The following TIMP2 variants were observed in gnomAD, a reference collection of about 807,000 sequenced individuals.
TIMP2 encodes the protein TIMP metallopeptidase inhibitor 2.
Under a neutral mutation model 24.3 loss-of-function variants are expected in TIMP2, and 5 were observed. That is an observed-to-expected ratio of 0.21 (90% CI 0.11 to 0.43). TIMP2 has a LOEUF of 0.43. Ranked by LOEUF, TIMP2 falls within the 20% of genes least tolerant of loss-of-function variation. The pLI is 1.00. For missense variants in TIMP2, 221 were observed against 297.5 expected (o/e 0.74, Z 1.89); for synonymous variants, 130 against 123.2 (o/e 1.06, Z -0.37).
In TIMP2 at chr17:78,891,330, C is replaced by G. The variant is rs1255316724; in HGVS notation, c.131-17411G>C. ...ATCTCTGGGTCTGCCATTTTCTTCCCTCTTGGGGTCCCAGCGCCACACTCT... is the reference window on the plus strand; with the variant it reads ...ATCTCTGGGTCTGCCATTTTCTTCCGTCTTGGGGTCCCAGCGCCACACTCT... On this transcript the variant is annotated intron_variant, in intron 1 of 4. Coordinates refer to ENST00000262768, the MANE Select transcript of TIMP2 (RefSeq NM_003255.5). This position sits in a 1 kb window ranked among gnomAD's most constrained non-coding sequence, Gnocchi z 4.5. The G allele has an allele frequency of 1.3e-6, 2 of 1,550,324 alleles. No individual in the cohort carries two copies. The highest frequency in any genetic ancestry group is 3.9e-5 in the Admixed American group (2 of 50,986).
chr17:78,914,762 T>C (rs1267029957), intron 1 of TIMP2, among the ~76,000 whole-genome samples: 5 of 152,016 alleles, frequency 3.3e-5, no homozygotes, highest in African/African-American at 4.8e-5. Context: ...TTTTAATTTA[T>C]TTTATGTAGA....
intron 1 of TIMP2, among the ~76,000 whole-genome samples, chr17:78,923,749 A>G (rs1474254785): frequency 6.6e-6 from 1 of 152,090 alleles, no homozygotes; most frequent in East Asian, 1.9e-4. Context: ...TGTGATCTCA[A>G]TAGATTGGTG....
At chr17:78,902,025 C>T (rs939372904) in intron 1 of TIMP2, 26 of 549,832 alleles carry the variant, frequency 4.7e-5, no homozygotes, top group Middle Eastern at 4.7e-4. Flanking sequence ...CTCCATGACA[C>T]GCTGTGTGCT....
chr17:78,873,761 C>T, intron 2 of TIMP2, 58 bp downstream of exon 2: 1 of 1,483,624 alleles, frequency 6.7e-7, no homozygotes, highest in Non-Finnish European at 9.3e-7. Context: ...CTCTGCCAAC[C>T]CCAACACCCC....
At chr17:78,858,509 G>A (rs1233319232) in intron 3 of TIMP2, among the ~76,000 whole-genome samples, 1 of 151,810 alleles carries the variant, frequency 6.6e-6, no homozygotes, top group East Asian at 1.9e-4. Context: ...ATATTTTGAT[G>A]TATTTCCTTC....
intron 1 of TIMP2, among the ~76,000 whole-genome samples, chr17:78,907,844 A>C (rs1487400367): frequency 6.6e-6 from 1 of 152,164 alleles, no homozygotes; most frequent in Non-Finnish European, 1.5e-5. Flanking sequence ...CATGTGTCCA[A>C]ACGTTCTGGC....
intron 1 of TIMP2, among the ~76,000 whole-genome samples, chr17:78,919,217 G>A (rs1213964823): frequency 6.6e-6 from 1 of 152,226 alleles, no homozygotes; most frequent in East Asian, 1.9e-4. Flanking sequence ...GGCAACGCCC[G>A]CTGTCATTCC....
intron 3 of TIMP2, 125 bp from the exon 4 acceptor site, chr17:78,857,771 G>T: frequency 7.5e-7 from 1 of 1,329,892 alleles, no homozygotes; most frequent in Non-Finnish European, 1.0e-6. Context: ...TCTATTCTGA[G>T]TTAAAACACA....
At chr17:78,911,403 C>A (rs2070205700) in intron 1 of TIMP2, among the ~76,000 whole-genome samples, 1 of 151,804 alleles carries the variant, frequency 6.6e-6, no homozygotes, top group African/African-American at 2.4e-5. Context: ...AACTATTGAG[C>A]CCCTCCAGTG....
rs1599142244 is a variant in TIMP2, at chr17:78,854,426, A to G, written c.*1241T>C. On this transcript the variant is annotated 3_prime_UTR_variant, in exon 5 of 5. Coordinates refer to ENST00000262768, the MANE Select transcript of TIMP2 (RefSeq NM_003255.5). ...TTAAGAAATACAAGCAGAAGTTGGT[A>G]TATCTGCAACTCAGGTTCACCTATC... The G allele has an allele frequency of 6.6e-6, 1 of 151,808 alleles. No individual in the cohort carries two copies. Among genetic ancestry groups the G allele is most frequent in the Non-Finnish European group, 1.5e-5 (1 of 68,016 alleles). The allele number at this position is 151,808 out of a possible 1,614,324, so 9.4% of individuals were successfully genotyped here. A position where few individuals can be genotyped will look rare whatever the true frequency, so the allele number is the denominator to read the frequency against.
intron 1 of TIMP2, among the ~76,000 whole-genome samples, chr17:78,882,118 C>A (rs955728427): frequency 1.3e-5 from 2 of 152,208 alleles, no homozygotes; most frequent in African/African-American, 4.8e-5. Flanking sequence ...GTGCCCGCCA[C>A]CATGCCCGGC....
intron 1 of TIMP2, among the ~76,000 whole-genome samples, chr17:78,902,087 G>A (rs1295071037): frequency 6.6e-6 from 1 of 152,222 alleles, no homozygotes. Flanking sequence ...CCACGTCCCA[G>A]TGGTGGCGGG....
intron 1 of TIMP2, among the ~76,000 whole-genome samples, chr17:78,879,418 A>C (rs2069758672): frequency 6.6e-6 from 1 of 152,222 alleles, no homozygotes; most frequent in South Asian, 2.1e-4. Flanking sequence ...GAAAGCGAAG[A>C]GACATAAGGA....
chr17:78,893,649 G>A (rs186618682), intron 1 of TIMP2, among the ~76,000 whole-genome samples: 5 of 152,100 alleles, frequency 3.3e-5, no homozygotes, highest in Non-Finnish European at 5.9e-5. Flanking sequence ...GTATGTGTCC[G>A]TGTGGGGCAT....
intron 1 of TIMP2, among the ~76,000 whole-genome samples, chr17:78,921,498 C>G (rs374268014): frequency 7.9e-5 from 12 of 152,164 alleles, no homozygotes. Flanking sequence ...CCAAGCAGCC[C>G]GAGTCTGCCA....
intron 1 of TIMP2, among the ~76,000 whole-genome samples, chr17:78,918,412 G>A (rs2070281845): frequency 6.6e-6 from 1 of 152,174 alleles, no homozygotes; most frequent in African/African-American, 2.4e-5. Flanking sequence ...GAGGGCACCA[G>A]GGCGTCAGGG....
chr17:78,866,463 G>T (rs2069618510), intron 3 of TIMP2, among the ~76,000 whole-genome samples: 1 of 151,830 alleles, frequency 6.6e-6, no homozygotes, highest in Non-Finnish European at 1.5e-5. Context: ...TTGGAAAACG[G>T]TCTGCCAGCT....
At chr17:78,876,860 T>C (rs2069732570) in intron 1 of TIMP2, among the ~76,000 whole-genome samples, 1 of 151,914 alleles carries the variant, frequency 6.6e-6, no homozygotes, top group Admixed American at 6.6e-5. Flanking sequence ...CCAAATGCCA[T>C]CTCCCCTCTC....
chr17:78,856,033 G>A (rs563149990), intron 4 of TIMP2, 169 bp from the exon 5 acceptor site: 3 of 676,606 alleles, frequency 4.4e-6, no homozygotes, highest in East Asian at 2.7e-5. Context: ...GCTGGCCTGC[G>A]AGGGGGTCTA....
Sources: gnomAD v4.1 joint callset for allele counts (sites outside exome capture counted in the v4.1 genomes callset) on GRCh38, gnomAD v4.1.1 for gene constraint, Gnocchi (gnomAD v3.1) non-coding constraint, MANE v1.5 for transcripts, NCBI Gene and HGNC (gene_info 2026-07-23, HGNC 2026-07-21) for gene names.